Variants in SLC35F3 observed in about 807,000 individuals in gnomAD.
The protein encoded by SLC35F3 is solute carrier family 35 member F3.
Under a neutral mutation model 49.9 loss-of-function variants are expected in SLC35F3, and 25 were observed. The observed-to-expected ratio is 0.50, with a 90% CI of 0.37 to 0.70. The LOEUF (loss-of-function observed/expected upper bound fraction) is 0.70, where lower values mean the gene tolerates loss of function less well. Ranked by LOEUF, SLC35F3 falls within the 30% of genes least tolerant of loss-of-function variation. SLC35F3 has a pLI of 0.00. For missense variants in SLC35F3, 525 were observed against 639.8 expected (o/e 0.82, Z 1.94); for synonymous variants, 275 against 265.4 (o/e 1.04, Z -0.35).
At chr1:234,041,209 A>G (rs1664214927) in intron 2 of SLC35F3, among the ~76,000 whole-genome samples, 2 of 152,080 alleles carry the variant, frequency 1.3e-5, no homozygotes, top group South Asian at 4.2e-4. Context: ...CAAATTCTCA[A>G]TGGCTTAACA....
chr1:234,086,338 T>C (rs544682661), intron 2 of SLC35F3, among the ~76,000 whole-genome samples: 4 of 152,316 alleles, frequency 2.6e-5, no homozygotes, highest in African/African-American at 9.6e-5. Flanking sequence ...GGTGAGACTA[T>C]GAAGGGCTAT....
chr1:234,174,179 C>A (rs1207267103), intron 2 of SLC35F3, among the ~76,000 whole-genome samples: 2 of 152,208 alleles, frequency 1.3e-5, no homozygotes, highest in African/African-American at 4.8e-5. Context: ...CACTTCATGG[C>A]AACTCTGTGC....
At chr1:234,002,228 A>G (rs930256601) in intron 2 of SLC35F3, among the ~76,000 whole-genome samples, 1 of 152,196 alleles carries the variant, frequency 6.6e-6, no homozygotes, top group Non-Finnish European at 1.5e-5. Flanking sequence ...CACACAAAAC[A>G]TTTGTCATAA....
At chr1:234,280,545 T>G (rs1251202825) in intron 3 of SLC35F3, among the ~76,000 whole-genome samples, 1 of 152,116 alleles carries the variant, frequency 6.6e-6, no homozygotes, top group East Asian at 1.9e-4. Context: ...GAATGGAGTG[T>G]GGGTAGAACA....
At position 234,231,980 on chromosome 1, in the gene SLC35F3, AAGCAGGC is replaced by A. The variant is rs1295236615; in HGVS notation, c.608+245_608+251del. Among the ~76,000 whole-genome samples the A allele has an allele frequency of 6.6e-6, 1 of 152,120 alleles. No homozygotes were observed. Among genetic ancestry groups the A allele is most frequent in the Non-Finnish European group, 1.5e-5 (1 of 68,024 alleles). On this transcript the variant is annotated intron_variant, in intron 3 of 7. Coordinates refer to ENST00000366618, the MANE Select transcript of SLC35F3 (RefSeq NM_173508.4). This position sits in a 1 kb window ranked among gnomAD's most constrained non-coding sequence, Gnocchi z 5.4. ...CAGCCCTGGGAGCCCCTTTATATAA[AAGCAGGC>A]AGCAGCGTCTTCCAGAGACGGCAAG... is the stretch of plus-strand genomic sequence containing the variant.
intron 2 of SLC35F3, among the ~76,000 whole-genome samples, chr1:234,109,305 G>A (rs1030662996): frequency 1.3e-5 from 2 of 152,158 alleles, no homozygotes; most frequent in African/African-American, 2.4e-5. Flanking sequence ...CTAGGAACAC[G>A]GAGGCCATTT....
At chr1:233,948,783 G>A (rs11584661) in intron 2 of SLC35F3, among the ~76,000 whole-genome samples, 85,130 of 149,180 alleles carry the variant, frequency 0.57, 24,911 homozygotes, top group African/African-American at 0.71. Flanking sequence ...TCATTGTTCA[G>A]TTCCCACCTA....
intron 4 of SLC35F3, among the ~76,000 whole-genome samples, chr1:234,314,267 C>T (rs546901898): frequency 6.6e-6 from 1 of 152,288 alleles, no homozygotes; most frequent in Admixed American, 6.5e-5. Context: ...TTTCCTACCC[C>T]CTTGTCCCTT....
rs1217350639 is a variant in SLC35F3, at chr1:234,270,581, AC to A, written c.609-38517del. Among the ~76,000 whole-genome samples the A allele has an allele frequency of 1.3e-3, 201 of 152,290 alleles. 2 individuals carry two copies. Among genetic ancestry groups the A allele is most frequent in the Non-Finnish European group, 4.7e-4 (32 of 68,026 alleles). ...CTACCGTTCCAATGACATTCACTTCACCCTCATCCTACAGAGCCCTTGGAGA... is the reference window on the plus strand; with the variant it reads ...CTACCGTTCCAATGACATTCACTTCACCTCATCCTACAGAGCCCTTGGAGA... On this transcript the variant is annotated intron_variant, in intron 3 of 7. Coordinates refer to ENST00000366618, the MANE Select transcript of SLC35F3 (RefSeq NM_173508.4).
At chr1:234,118,238 T>C (rs11811383) in intron 2 of SLC35F3, among the ~76,000 whole-genome samples, 32,170 of 151,962 alleles carry the variant, frequency 0.21, 3,762 homozygotes, top group Non-Finnish European at 0.27. Flanking sequence ...CATCCTGACT[T>C]CATGTTACCC....
chr1:234,065,589 A>G (rs749623051), intron 2 of SLC35F3, among the ~76,000 whole-genome samples: 31 of 152,220 alleles, frequency 2.0e-4, no homozygotes, highest in Admixed American at 1.3e-4. Flanking sequence ...TAAAATTTCT[A>G]TATCACAATA....
At chr1:234,147,125 T>C (rs543587615) in intron 2 of SLC35F3, among the ~76,000 whole-genome samples, 1 of 152,174 alleles carries the variant, frequency 6.6e-6, no homozygotes, top group Non-Finnish European at 1.5e-5. Context: ...TCACTTTGTC[T>C]TTAATGTTGG....
intron 2 of SLC35F3, among the ~76,000 whole-genome samples, chr1:233,923,072 CAGGT>C (rs914801592): frequency 6.6e-6 from 1 of 152,160 alleles, no homozygotes; most frequent in African/African-American, 2.4e-5. Context: ...AGTTTAAAGT[CAGGT>C]AGCGTGATGC....
chr1:234,022,613 C>T (rs965054176), intron 2 of SLC35F3, among the ~76,000 whole-genome samples: 2 of 152,090 alleles, frequency 1.3e-5, no homozygotes, highest in African/African-American at 4.8e-5. Flanking sequence ...GGTGTTTGAC[C>T]AAACAACTTG....
intron 3 of SLC35F3, chr1:234,285,358 G>A: frequency 2.1e-6 from 1 of 480,108 alleles, no homozygotes; most frequent in South Asian, 1.5e-5. Context: ...ATGAGGCCAG[G>A]TGTTGCTTGT....
At chr1:234,138,317 G>T (rs1281539315) in intron 2 of SLC35F3, among the ~76,000 whole-genome samples, 1 of 152,090 alleles carries the variant, frequency 6.6e-6, no homozygotes, top group Non-Finnish European at 1.5e-5. Context: ...CCTTTCAATG[G>T]ATCTTCAGTT....
At chr1:234,103,070 C>G (rs1391254715) in intron 2 of SLC35F3, among the ~76,000 whole-genome samples, 1 of 152,334 alleles carries the variant, frequency 6.6e-6, no homozygotes, top group South Asian at 2.1e-4. Context: ...ATTAGATTCA[C>G]TCTAAAGAGA....
intron 2 of SLC35F3, among the ~76,000 whole-genome samples, chr1:234,152,253 A>ATTATTATT (rs1491297627): frequency 1.5e-4 from 19 of 128,200 alleles, no homozygotes; most frequent in African/African-American, 5.3e-4. Flanking sequence ...TTATTATTAT[A>ATTATTATT]CTTTAAATTC....
chr1:234,038,154 C>A (rs1051569221), intron 2 of SLC35F3, among the ~76,000 whole-genome samples: 2 of 143,062 alleles, frequency 1.4e-5, no homozygotes, highest in Admixed American at 1.4e-4. Flanking sequence ...TGATGTTCCC[C>A]TTCCTGTGTC....
Sources: allele counts gnomAD v4.1 joint callset (sites outside exome capture counted in the v4.1 genomes callset), GRCh38; gene constraint gnomAD v4.1.1; non-coding constraint Gnocchi (gnomAD v3.1); transcripts MANE v1.5; gene names NCBI Gene and HGNC (gene_info 2026-07-23, HGNC 2026-07-21).